The following JAZF1 variants were observed in gnomAD, a reference collection of about 807,000 sequenced individuals.
JAZF1 encodes the protein JAZF zinc finger 1.
JAZF1 carries 8 observed loss-of-function variants against 26.4 expected under a neutral mutation model. The ratio of observed to expected loss-of-function variants is 0.30; its 90% confidence interval spans 0.18 to 0.55. The LOEUF is 0.55. Among genes scored for constraint, JAZF1 ranks in the 20% least tolerant of loss-of-function variants. The pLI, the probability that JAZF1 is intolerant of heterozygous loss-of-function variation, is 0.94. For synonymous variants in JAZF1, 126 were observed against 122.3 expected (o/e 1.03, Z -0.20); for missense variants, 199 against 322.0 (o/e 0.62, Z 2.92).
intron 3 of JAZF1, among the ~76,000 whole-genome samples, chr7:27,857,742 T>C (rs1783297708): frequency 6.6e-6 from 1 of 152,244 alleles, no homozygotes; most frequent in Non-Finnish European, 1.5e-5. Flanking sequence ...GGATCATCTC[T>C]CAAAATAATA....
chr7:27,866,811 A>G (rs1783481651), intron 3 of JAZF1, among the ~76,000 whole-genome samples: 1 of 152,230 alleles, frequency 6.6e-6, no homozygotes, highest in Non-Finnish European at 1.5e-5. Flanking sequence ...ATATTGCTGA[A>G]TTTATTTTCA....
chr7:28,010,668 A>C (rs1028431788), intron 1 of JAZF1, among the ~76,000 whole-genome samples: 1 of 152,232 alleles, frequency 6.6e-6, no homozygotes, highest in Non-Finnish European at 1.5e-5. Flanking sequence ...TATATTAAAA[A>C]GATAGATTAC....
At chr7:28,083,426 T>C (rs1351792687) in intron 1 of JAZF1, among the ~76,000 whole-genome samples, 3 of 152,262 alleles carry the variant, frequency 2.0e-5, no homozygotes, top group East Asian at 1.9e-4. Flanking sequence ...GGGAGTACCA[T>C]GGGTTGCAGA....
intron 1 of JAZF1, among the ~76,000 whole-genome samples, chr7:28,148,254 A>G (rs1189203508): frequency 1.3e-5 from 2 of 152,116 alleles, no homozygotes; most frequent in African/African-American, 2.4e-5. Context: ...TATTTTTAGT[A>G]GAGACGGAGT....
chr7:28,009,849 T>C (rs1782770077), intron 1 of JAZF1, among the ~76,000 whole-genome samples: 1 of 152,256 alleles, frequency 6.6e-6, no homozygotes, highest in African/African-American at 2.4e-5. Flanking sequence ...CACTGACTAA[T>C]GAGTCCTAAA....
intron 1 of JAZF1, among the ~76,000 whole-genome samples, chr7:28,053,070 TAGTA>T (rs1451967793): frequency 2.6e-5 from 4 of 152,214 alleles, no homozygotes; most frequent in African/African-American, 9.7e-5. Context: ...CTTTGACTCA[TAGTA>T]CATGTCCTTT....
chr7:27,847,455 G>A (rs949524840), intron 3 of JAZF1, among the ~76,000 whole-genome samples: 3 of 152,098 alleles, frequency 2.0e-5, no homozygotes, highest in Non-Finnish European at 4.4e-5. Flanking sequence ...GTTGATTTGT[G>A]TGTATGGTAT....
intron 3 of JAZF1, among the ~76,000 whole-genome samples, chr7:27,845,153 A>C (rs535807895): frequency 6.6e-6 from 1 of 152,354 alleles, no homozygotes; most frequent in South Asian, 2.1e-4. Flanking sequence ...GAGGGGAAAA[A>C]ACAACTATGT....
At chr7:28,159,253 G>A (rs1203752887) in intron 1 of JAZF1, among the ~76,000 whole-genome samples, 1 of 152,010 alleles carries the variant, frequency 6.6e-6, no homozygotes, top group African/African-American at 2.4e-5. Context: ...GTAACTGGGA[G>A]TGGGGTTGAT....
At chr7:28,038,688 T>C (rs1783337501) in intron 1 of JAZF1, among the ~76,000 whole-genome samples, 3 of 152,142 alleles carry the variant, frequency 2.0e-5, no homozygotes. Flanking sequence ...AAATCCTTGA[T>C]TAACTGAAAG....
At chr7:28,016,339 A>C (rs1287380348) in intron 1 of JAZF1, among the ~76,000 whole-genome samples, 1 of 152,242 alleles carries the variant, frequency 6.6e-6, no homozygotes, top group Non-Finnish European at 1.5e-5. Context: ...ATGGGGATTC[A>C]GAGGAAAGAG....
chr7:27,995,897 A>G (rs1284808571), intron 1 of JAZF1, among the ~76,000 whole-genome samples: 1 of 152,198 alleles, frequency 6.6e-6, no homozygotes, highest in East Asian at 1.9e-4. Context: ...CAAGGCAGAT[A>G]GCAGAAATAA....
intron 1 of JAZF1, among the ~76,000 whole-genome samples, chr7:28,041,603 G>GTAT (rs1783393228): frequency 1.3e-5 from 2 of 152,014 alleles, no homozygotes; most frequent in Admixed American, 6.6e-5. Context: ...ATCAGCCTAA[G>GTAT]GGCAAGACCT....
intron 1 of JAZF1, among the ~76,000 whole-genome samples, chr7:28,075,849 G>A (rs1784042951): frequency 6.6e-6 from 1 of 152,134 alleles, no homozygotes; most frequent in Non-Finnish European, 1.5e-5. Context: ...TTTGACACTG[G>A]TTATCTTGAC....
At chr7:28,085,564 T>A (rs1784200261) in intron 1 of JAZF1, among the ~76,000 whole-genome samples, 1 of 152,088 alleles carries the variant, frequency 6.6e-6, no homozygotes, top group South Asian at 2.1e-4. Flanking sequence ...CAAAGTGTCA[T>A]CCCCCCGTGA....
chr7:28,160,522 T>C (rs1408050141), intron 1 of JAZF1, among the ~76,000 whole-genome samples: 1 of 152,118 alleles, frequency 6.6e-6, no homozygotes, highest in Non-Finnish European at 1.5e-5. Context: ...TTGGGTGAGA[T>C]GTCCTCAAAG....
At chr7:28,073,176 T>C (rs1413877506) in intron 1 of JAZF1, among the ~76,000 whole-genome samples, 1 of 152,222 alleles carries the variant, frequency 6.6e-6, no homozygotes, top group Admixed American at 6.5e-5. Flanking sequence ...CAATCCCCTA[T>C]GTTTTAAAAT....
intron 1 of JAZF1, among the ~76,000 whole-genome samples, chr7:28,033,429 CTAGGG>C (rs1209760201): frequency 6.6e-6 from 1 of 152,122 alleles, no homozygotes; most frequent in East Asian, 1.9e-4. Flanking sequence ...CTGGCTAGGC[CTAGGG>C]TACGCTCGAG....
At chr7:27,987,715 G>C (rs1028814584) in intron 2 of JAZF1, among the ~76,000 whole-genome samples, 7 of 152,264 alleles carry the variant, frequency 4.6e-5, no homozygotes, top group Admixed American at 3.3e-4. Flanking sequence ...ATTGAGAACG[G>C]GCCATGATGA....
Sources: gnomAD v4.1 joint callset for allele counts (sites outside exome capture counted in the v4.1 genomes callset) on GRCh38, gnomAD v4.1.1 for gene constraint, MANE v1.5 for transcripts, NCBI Gene and HGNC (gene_info 2026-07-23, HGNC 2026-07-21) for gene names.